GRIP1: variants seen among roughly 807,000 people sequenced by gnomAD.
GRIP1 encodes the protein glutamate receptor interacting protein 1, also known as glutamate receptor-interacting protein 1.
In GRIP1, 45 loss-of-function variants were observed where a neutral mutation model predicts 129.9. That is an observed-to-expected ratio of 0.35 (90% CI 0.27 to 0.44). The LOEUF is 0.44. Among genes scored for constraint, GRIP1 ranks in the 20% least tolerant of loss-of-function variants. GRIP1 has a pLI of 1.00. For synonymous variants in GRIP1, 530 were observed against 520.8 expected, an observed-to-expected ratio of 1.02 and a Z score of -0.24; for missense variants, 1,196 against 1,396.8, an observed-to-expected ratio of 0.86 and a Z score of 2.29.
At chr12:66,561,741 A>AT (rs1303605026) in intron 2 of GRIP1, among the ~76,000 whole-genome samples, 1 of 152,062 alleles carries the variant, frequency 6.6e-6, no homozygotes, top group East Asian at 1.9e-4. Context: ...AAATATATAT[A>AT]TTTTATTGAC....
rs1305588835 is a variant in GRIP1, at chr12:66,445,422, T to C, written c.1441A>G (p.Thr481Ala). Residue 481 changes from threonine to alanine, a missense_variant, in exon 12 of 25, where the codon ACA (threonine) becomes GCA (alanine). Thr to Ala is a moderately conservative substitution (Grantham distance 58). Coordinates refer to ENST00000359742, the MANE Select transcript of GRIP1 (RefSeq NM_001366722.1). ...CCCTGCAGTTGGATCCCAAATCCTG[T>C]GACAGGATCTGCCGTCAGCACAACC... Reference protein sequence around the residue: ...TEVVLTADPVTGFGIQLQGSV... With the variant: ...TEVVLTADPVAGFGIQLQGSV... The C allele has an allele frequency of 1.2e-6, 2 of 1,614,134 alleles. No homozygotes were observed. Among genetic ancestry groups the C allele is most frequent in the Non-Finnish European group, 1.7e-6 (2 of 1,179,928 alleles).
intron 2 of GRIP1, among the ~76,000 whole-genome samples, chr12:66,548,946 T>C (rs1019964897): frequency 3.3e-5 from 5 of 152,104 alleles, no homozygotes; most frequent in African/African-American, 1.2e-4. Context: ...AAAGAGAAAG[T>C]ACAATTTCAA....
intron 1 of GRIP1, among the ~76,000 whole-genome samples, chr12:66,942,019 AT>A (rs1184392463): frequency 6.6e-6 from 1 of 152,196 alleles, no homozygotes; most frequent in Non-Finnish European, 1.5e-5. Context: ...AAACCAGGGA[AT>A]GTTATTATAT....
intron 1 of GRIP1, among the ~76,000 whole-genome samples, chr12:66,914,970 A>C (rs2041096110): frequency 6.6e-6 from 1 of 152,156 alleles, no homozygotes. Flanking sequence ...CCTCGCAAAA[A>C]AGACTAAACC....
chr12:66,869,649 T>C (rs991482546), intron 1 of GRIP1, among the ~76,000 whole-genome samples: 2 of 152,014 alleles, frequency 1.3e-5, no homozygotes, highest in African/African-American at 4.8e-5. Context: ...AAGTGACAGA[T>C]ACGTATCATT....
rs988825915 is a variant in GRIP1, at chr12:66,605,740, T to C, written c.56-8813A>G. Reference sequence around the variant, plus strand: ...CTTTTTTTCTGTTAATCAAGTGTAGTGTAAATTGATACATGTCAACTGCAG... The same window carrying C: ...CTTTTTTTCTGTTAATCAAGTGTAGCGTAAATTGATACATGTCAACTGCAG... On this transcript the variant is annotated intron_variant, in intron 1 of 24. Coordinates refer to ENST00000359742, the MANE Select transcript of GRIP1 (RefSeq NM_001366722.1). 3.3e-5 allele frequency among the ~76,000 whole-genome samples: 5 copies of C among 152,146 alleles called. No homozygotes were observed. In the South Asian group the frequency reaches 1.0e-3, roughly 32 times the overall value.
chr12:66,817,736 T>C (rs956612997), intron 1 of GRIP1, among the ~76,000 whole-genome samples: 1 of 152,170 alleles, frequency 6.6e-6, no homozygotes, highest in Admixed American at 6.6e-5. Flanking sequence ...ATATGTTTAT[T>C]ACTAATTTAT....
intron 1 of GRIP1, among the ~76,000 whole-genome samples, chr12:66,883,080 T>G (rs190458728): frequency 2.3e-3 from 343 of 152,258 alleles, no homozygotes; most frequent in Non-Finnish European, 3.7e-3. Flanking sequence ...TTTGTTCATT[T>G]CTATTCTCTC....
chr12:66,445,399 C>T lies in GRIP1; in HGVS notation c.1464G>A (p.Gln488=). Residue 488 remains glutamine, a synonymous_variant, in exon 12 of 25, where the codon CAG becomes CAA. Transcript: ENST00000359742. ...GAGTTTCTGTGGCAAACACACTGCC[C>T]TGCAGTTGGATCCCAAATCCTGTGA... The part of the protein sequence containing the change: ...DPVTGFGIQL[Q]GSVFATETLS... 6.2e-7 allele frequency: 1 copy of T among 1,614,158 alleles called. No homozygotes were observed. Among genetic ancestry groups the T allele is most frequent in the Middle Eastern group, 1.6e-4 (1 of 6,062 alleles).
chr12:66,510,778 CCA>C (rs142827232), intron 7 of GRIP1, among the ~76,000 whole-genome samples: 6 of 151,908 alleles, frequency 3.9e-5, no homozygotes, highest in South Asian at 2.1e-4. Flanking sequence ...CACACATACA[CCA>C]CACACACACA....
chr12:66,627,407 G>T (rs530964433), intron 1 of GRIP1, among the ~76,000 whole-genome samples: 1 of 152,120 alleles, frequency 6.6e-6, no homozygotes, highest in Non-Finnish European at 1.5e-5. Context: ...CATTAATTCA[G>T]CAAATATCCA....
At chr12:66,897,047 AG>A (rs1247516973) in intron 1 of GRIP1, among the ~76,000 whole-genome samples, 4 of 152,208 alleles carry the variant, frequency 2.6e-5, no homozygotes, top group Non-Finnish European at 5.9e-5. Context: ...GCTGTTTGCC[AG>A]CTGCGTGCTC....
intron 19 of GRIP1, among the ~76,000 whole-genome samples, chr12:66,391,558 T>C (rs2056586820): frequency 6.6e-6 from 1 of 152,212 alleles, no homozygotes. Flanking sequence ...GCTCTAATTA[T>C]AAACATTCAG....
chr12:66,915,287 A>G (rs1005662499), intron 1 of GRIP1, among the ~76,000 whole-genome samples: 1 of 152,202 alleles, frequency 6.6e-6, no homozygotes, highest in African/African-American at 2.4e-5. Context: ...GAAAATGCCA[A>G]ACTGTTTGGT....
At chr12:66,733,844 C>G (rs933909881) in intron 1 of GRIP1, among the ~76,000 whole-genome samples, 4 of 152,126 alleles carry the variant, frequency 2.6e-5, no homozygotes, top group Non-Finnish European at 5.9e-5. Flanking sequence ...CACTGCATAA[C>G]ACATGACAGT....
At chr12:66,444,110 A>G (rs1376936238) in intron 13 of GRIP1, among the ~76,000 whole-genome samples, 1 of 152,234 alleles carries the variant, frequency 6.6e-6, no homozygotes, top group Non-Finnish European at 1.5e-5. Context: ...TTGTGGTGAC[A>G]TTTTAAGGAA....
chr12:66,730,048 GA>G (rs1444542715), intron 1 of GRIP1, among the ~76,000 whole-genome samples: 1 of 152,068 alleles, frequency 6.6e-6, no homozygotes, highest in Admixed American at 6.6e-5. Context: ...TGAATATTCA[GA>G]AAACTCTGTC....
intron 16 of GRIP1, among the ~76,000 whole-genome samples, chr12:66,397,483 AG>A (rs2056839545): frequency 6.6e-6 from 1 of 151,742 alleles, no homozygotes. Flanking sequence ...ACTGCACTCC[AG>A]GGTGAGTGAC....
At position 66,394,334 on chromosome 12, in the gene GRIP1, C is replaced by A; in HGVS notation, c.2003G>T (p.Gly668Val). Residue 668 changes from glycine (G) to valine (V), a missense_variant, in exon 17 of 25, where the codon GGA becomes GTA. Coordinates refer to ENST00000359742, the MANE Select transcript of GRIP1 (RefSeq NM_001366722.1). ...AAGCTCCACGGTGTAAATAATTGCT[C>A]CGGAACTTTCTTGCTCATCTGTAAT... ...EDNSDEQESS[G>V]AIIYTVELKR... 1 of 1,614,062 alleles carries A rather than the reference C, an allele frequency of 6.2e-7. No individual in the cohort carries two copies.
Sources: allele counts gnomAD v4.1 joint callset (sites outside exome capture counted in the v4.1 genomes callset), GRCh38; gene constraint gnomAD v4.1.1; transcripts MANE v1.5; gene names NCBI Gene and HGNC (gene_info 2026-07-23, HGNC 2026-07-21).